Variants in ITPR2 observed in about 807,000 individuals in gnomAD.
ITPR2 encodes the protein inositol 1,4,5-trisphosphate-gated calcium channel ITPR2.
In ITPR2, 207 loss-of-function variants were observed where a neutral mutation model predicts 317.1. The observed-to-expected ratio is 0.65, with a 90% confidence interval of 0.58 to 0.73. The LOEUF (loss-of-function observed/expected upper bound fraction) is 0.73. Among genes scored for constraint, ITPR2 ranks in the 30% least tolerant of loss-of-function variants. ITPR2 has a pLI of 0.00. For synonymous variants in ITPR2, 1,156 were observed against 1,149.1 expected (o/e 1.01, Z -0.12); for missense variants, 2,613 against 3,284.0 (o/e 0.80, Z 4.99).
chr12:26,609,970 T>C (rs1022292361), intron 26 of ITPR2, among the ~76,000 whole-genome samples: 7 of 152,218 alleles, frequency 4.6e-5, no homozygotes, highest in Non-Finnish European at 1.0e-4. Flanking sequence ...TATGGGAATA[T>C]GTATAATGAT....
At chr12:26,694,849 T>C (rs1031256701) in intron 10 of ITPR2, among the ~76,000 whole-genome samples, 1 of 152,226 alleles carries the variant, frequency 6.6e-6, no homozygotes, top group East Asian at 1.9e-4. Flanking sequence ...AAAGGTTTCA[T>C]TGGGCCAATT....
intron 1 of ITPR2, among the ~76,000 whole-genome samples, chr12:26,811,148 G>A (rs1324216695): frequency 6.6e-6 from 1 of 151,404 alleles, no homozygotes; most frequent in African/African-American, 2.4e-5. Context: ...TAAAATGACT[G>A]CCTAAAACAA....
chr12:26,663,373 C>T (rs548499045), intron 15 of ITPR2, among the ~76,000 whole-genome samples: 1 of 152,270 alleles, frequency 6.6e-6, no homozygotes, highest in Admixed American at 6.5e-5. Context: ...ACATGTTCCT[C>T]AAGCCAAAAA....
intron 35 of ITPR2, among the ~76,000 whole-genome samples, chr12:26,561,296 C>T (rs888293363): frequency 6.6e-6 from 1 of 152,154 alleles, no homozygotes; most frequent in African/African-American, 2.4e-5. Flanking sequence ...TTGTTTAAGC[C>T]ACCAAGTCTG....
intron 35 of ITPR2, among the ~76,000 whole-genome samples, 190 bp from the exon 36 acceptor site, chr12:26,556,565 T>TC (rs78529155): frequency 9.5e-6 from 1 of 105,192 alleles, no homozygotes; most frequent in African/African-American, 3.2e-5. Flanking sequence ...TATTTTTTTT[T>TC]TTGTGTGTGT....
intron 34 of ITPR2, among the ~76,000 whole-genome samples, chr12:26,578,372 A>G (rs1177280621): frequency 6.6e-6 from 1 of 152,222 alleles, no homozygotes; most frequent in African/African-American, 2.4e-5. Context: ...GTCCTATGTC[A>G]TATGAAGGTA....
chr12:26,628,781 C>T (rs1319924046), intron 22 of ITPR2, among the ~76,000 whole-genome samples: 1 of 152,020 alleles, frequency 6.6e-6, no homozygotes, highest in East Asian at 1.9e-4. Flanking sequence ...AATGCAAACA[C>T]GTGAAGCCTA....
At chr12:26,491,340 G>A (rs898631523) in intron 39 of ITPR2, among the ~76,000 whole-genome samples, 16 of 151,574 alleles carry the variant, frequency 1.1e-4, no homozygotes, top group Admixed American at 2.0e-4. Flanking sequence ...AAAATTAGCC[G>A]GGCGTGGTGG....
chr12:26,674,489 C>T (rs1055408722), intron 13 of ITPR2, among the ~76,000 whole-genome samples: 1 of 152,068 alleles, frequency 6.6e-6, no homozygotes, highest in Non-Finnish European at 1.5e-5. Flanking sequence ...AACTGGCTAG[C>T]CATATGTAGA....
intron 37 of ITPR2, among the ~76,000 whole-genome samples, chr12:26,532,213 T>A (rs1484996893): frequency 6.6e-6 from 1 of 152,222 alleles, no homozygotes; most frequent in Non-Finnish European, 1.5e-5. Context: ...TTGTTTGTGT[T>A]ATGTTCCGTA....
At chr12:26,602,231 G>A in intron 28 of ITPR2, 139 bp downstream of exon 28, 1 of 764,204 alleles carries the variant, frequency 1.3e-6, no homozygotes, top group Non-Finnish European at 2.0e-6. Context: ...ATACACAAAA[G>A]GGCTCAGGGG....
intron 55 of ITPR2, among the ~76,000 whole-genome samples, chr12:26,377,794 A>C (rs1306109796): frequency 1.3e-5 from 2 of 152,228 alleles, no homozygotes; most frequent in African/African-American, 4.8e-5. Context: ...GGGTATAAAT[A>C]AGATAACACG....
chr12:26,728,249 C>T (rs901573357), intron 2 of ITPR2, among the ~76,000 whole-genome samples: 1 of 151,936 alleles, frequency 6.6e-6, no homozygotes, highest in African/African-American at 2.4e-5. Flanking sequence ...TTTGGGTAGC[C>T]GTAGATGTAA....
chr12:26,555,100 A>G (rs1591893621), intron 36 of ITPR2, among the ~76,000 whole-genome samples: 1 of 152,152 alleles, frequency 6.6e-6, no homozygotes, highest in Admixed American at 6.5e-5. Context: ...AGCCAAAAAT[A>G]CCTGATTCTG....
At chr12:26,584,828 A>C (rs1181098012) in intron 32 of ITPR2, among the ~76,000 whole-genome samples, 1 of 152,234 alleles carries the variant, frequency 6.6e-6, no homozygotes, top group East Asian at 1.9e-4. Context: ...TTTGATCATA[A>C]GGAATACAAA....
At chr12:26,570,730 T>C (rs1371492832) in intron 34 of ITPR2, among the ~76,000 whole-genome samples, 2 of 152,252 alleles carry the variant, frequency 1.3e-5, no homozygotes, top group South Asian at 2.1e-4. Context: ...AGGAATAATA[T>C]GGAAGTAATT....
chr12:26,411,287 A>T (rs1381084397), intron 52 of ITPR2, 33 bp downstream of exon 52: 1 of 1,419,592 alleles, frequency 7.0e-7, no homozygotes, highest in African/African-American at 1.4e-5. Flanking sequence ...AAAGATATCA[A>T]GTTCATACTG....
At chr12:26,708,242 C>G (rs1232397319) in intron 9 of ITPR2, among the ~76,000 whole-genome samples, 1 of 152,132 alleles carries the variant, frequency 6.6e-6, no homozygotes, top group East Asian at 1.9e-4. Flanking sequence ...AATCCTACTG[C>G]TAGGTATACA....
chr12:26,399,356 A>T (rs1940098816), intron 53 of ITPR2, among the ~76,000 whole-genome samples: 1 of 152,222 alleles, frequency 6.6e-6, no homozygotes. Context: ...TATCCCAGAC[A>T]TTACAGAAAA....
Sources: allele counts gnomAD v4.1 joint callset (sites outside exome capture counted in the v4.1 genomes callset), GRCh38; gene constraint gnomAD v4.1.1; transcripts MANE v1.5; gene names NCBI Gene and HGNC (gene_info 2026-07-23, HGNC 2026-07-21).